PPIL3: variants seen among roughly 807,000 people sequenced by gnomAD.
The protein encoded by PPIL3 is peptidyl-prolyl cis-trans isomerase-like 3.
Under a neutral mutation model 20.9 loss-of-function variants are expected in PPIL3, and 13 were observed. That is an observed-to-expected ratio of 0.62 (90% confidence interval 0.40 to 0.99). PPIL3 has a LOEUF of 0.99. PPIL3 is among the 50% of genes least tolerant of loss of function. The pLI, the probability that PPIL3 is intolerant of heterozygous loss-of-function variation, is 0.00. For synonymous variants in PPIL3, 71 were observed against 64.4 expected (o/e 1.10, Z -0.49); for missense variants, 170 against 195.2 (o/e 0.87, Z 0.77).
chr2:200,870,986 A>G lies in PPIL3; in HGVS notation c.*409T>C, dbSNP rs2039286348. ...TGAAGGTAATTTTACACAATATTTTAATTAATTTGTCCTACGATTTAATTC... is the reference window on the plus strand; with the variant it reads ...TGAAGGTAATTTTACACAATATTTTGATTAATTTGTCCTACGATTTAATTC... On this transcript the variant is annotated 3_prime_UTR_variant, in exon 7 of 7. Transcript: ENST00000392283. The G allele has an allele frequency of 6.4e-6, 1 of 155,498 alleles. No homozygotes were observed. Among genetic ancestry groups the G allele is most frequent in the East Asian group, 1.9e-4 (1 of 5,316 alleles). 9.6% of individuals were successfully genotyped at this position (155,498 alleles called of 1,614,324 possible).
At chr2:200,874,641 G>C (rs2039447456) in intron 6 of PPIL3, among the ~76,000 whole-genome samples, 1 of 152,128 alleles carries the variant, frequency 6.6e-6, no homozygotes. Context: ...CAATAATTTT[G>C]AATGATGTTG....
chr2:200,886,272 G>A (rs1333737598), intron 2 of PPIL3, among the ~76,000 whole-genome samples: 2 of 152,116 alleles, frequency 1.3e-5, no homozygotes, highest in African/African-American at 4.8e-5. Flanking sequence ...AAGTGTCAGT[G>A]TTTCTAAATC....
At chr2:200,878,211 C>T (rs1456690081) in intron 5 of PPIL3, among the ~76,000 whole-genome samples, 1 of 151,820 alleles carries the variant, frequency 6.6e-6, no homozygotes, top group Non-Finnish European at 1.5e-5. Context: ...AAATAAGCAC[C>T]CATTAACATA....
intron 1 of PPIL3, among the ~76,000 whole-genome samples, chr2:200,888,114 T>C (rs1410418858): frequency 3.3e-5 from 5 of 150,380 alleles, no homozygotes; most frequent in Admixed American, 2.6e-4. Flanking sequence ...AACCCGGCTA[T>C]AGAAGATATC....
intron 4 of PPIL3, 173 bp from the exon 5 acceptor site, chr2:200,881,661 A>G: frequency 1.8e-6 from 1 of 545,314 alleles, no homozygotes; most frequent in East Asian, 3.0e-5. Flanking sequence ...ATTAAAACAG[A>G]CCTACAAAAA....
chr2:200,882,478 C>T lies in PPIL3; in HGVS notation c.79-43G>A, dbSNP rs368991873. Reference sequence around the variant, plus strand: ...GATTGAGAAATGATGCAGCAGAAACCCAGTTAAGACAAAAAACCAATCATA... The same window carrying T: ...GATTGAGAAATGATGCAGCAGAAACTCAGTTAAGACAAAAAACCAATCATA... On this transcript the variant is annotated intron_variant, in intron 3 of 6. Coordinates refer to ENST00000392283, the MANE Select transcript of PPIL3 (RefSeq NM_130906.3). The T allele has an allele frequency of 5.8e-6, 7 of 1,201,512 alleles. No individual in the cohort carries two copies. In the African/African-American group the frequency reaches 1.1e-4, roughly 18 times the overall value. The allele number at this position is 1,201,512 out of a possible 1,614,324, so 74.4% of individuals were successfully genotyped here.
chr2:200,871,321 A>T lies in PPIL3; in HGVS notation c.*74T>A. On this transcript the variant is annotated 3_prime_UTR_variant, in exon 7 of 7. Transcript: ENST00000392283. ...GCAGAAGGATGATGCAATCTCTGAC[A>T]TAATTAAAACCGGGTAAACCACAAT... is the stretch of plus-strand genomic sequence containing the variant. The T allele has an allele frequency of 6.9e-7, 1 of 1,441,304 alleles. No individual in the cohort carries two copies. The highest frequency in any genetic ancestry group is 9.5e-7 in the Non-Finnish European group (1 of 1,055,534). The allele number at this position is 1,441,304 out of a possible 1,614,324, so 89.3% of individuals were successfully genotyped here. A position where few individuals can be genotyped will look rare whatever the true frequency, so the allele number is the denominator to read the frequency against.
intron 6 of PPIL3, among the ~76,000 whole-genome samples, chr2:200,874,022 G>A (rs546847195): frequency 2.4e-4 from 36 of 151,206 alleles, no homozygotes; most frequent in African/African-American, 6.8e-4. Flanking sequence ...TGGCTAACAT[G>A]GTGAAACCCC....
At chr2:200,879,780 G>A (rs1450273127) in intron 5 of PPIL3, among the ~76,000 whole-genome samples, 2 of 152,150 alleles carry the variant, frequency 1.3e-5, no homozygotes, top group South Asian at 2.1e-4. Context: ...GCAGTGAACC[G>A]TGATCAGGCC....
At chr2:200,887,915 G>C (rs1426174386) in intron 1 of PPIL3, among the ~76,000 whole-genome samples, 2 of 152,038 alleles carry the variant, frequency 1.3e-5, no homozygotes, top group Non-Finnish European at 2.9e-5. Context: ...AAATTAGCCG[G>C]GTGTGGTGGC....
rs2039471189 is a variant in PPIL3 at position 200,875,378 on chromosome 2, C to T, written c.359+1541G>A. 2.0e-5 allele frequency among the ~76,000 whole-genome samples: 3 copies of T among 152,056 alleles called. No homozygotes were observed. In the South Asian group the frequency reaches 6.2e-4, roughly 32 times the overall value. On this transcript the variant is annotated intron_variant, in intron 6 of 6. Transcript: ENST00000392283. Reference sequence around the variant, plus strand: ...CACCTCCAGGGTTCAAGCCATTCTCCTGCCTCAGCTTCCTGAGTAGCTGGA... The same window carrying T: ...CACCTCCAGGGTTCAAGCCATTCTCTTGCCTCAGCTTCCTGAGTAGCTGGA...
At chr2:200,882,197 C>T (rs931899348) in intron 4 of PPIL3, 145 bp downstream of exon 4, 3 of 628,170 alleles carry the variant, frequency 4.8e-6, no homozygotes, top group South Asian at 3.7e-5. Flanking sequence ...ATGTAACAAA[C>T]CTGCATGTTC....
intron 5 of PPIL3, among the ~76,000 whole-genome samples, chr2:200,880,819 T>C (rs1006885945): frequency 1.3e-5 from 2 of 151,936 alleles, no homozygotes; most frequent in African/African-American, 4.8e-5. Context: ...CATGCACTAA[T>C]TTTTAATTTT....
intron 4 of PPIL3, chr2:200,881,839 AG>A: frequency 4.1e-6 from 1 of 244,144 alleles, no homozygotes; most frequent in Non-Finnish European, 7.7e-6. Context: ...TTCACATTTT[AG>A]GGGTAGGTGC....
rs1273275810 is a variant in PPIL3 at position 200,871,346 on chromosome 2, T to G, written c.*49A>C. 1 of 1,555,324 alleles carries G rather than the reference T, an allele frequency of 6.4e-7. No individual in the cohort carries two copies. The highest frequency in any genetic ancestry group is 1.2e-5 in the South Asian group (1 of 85,438). On this transcript the variant is annotated 3_prime_UTR_variant, in exon 7 of 7. Coordinates refer to ENST00000392283, the MANE Select transcript of PPIL3 (RefSeq NM_130906.3). Reference sequence around the variant, plus strand: ...ATAATTAAAACCGGGTAAACCACAATAAGTGTGTTCCAGCAATTTGTCAAG... The same window carrying G: ...ATAATTAAAACCGGGTAAACCACAAGAAGTGTGTTCCAGCAATTTGTCAAG...
Position 200,871,366 on chromosome 2 carries a change from G to A in PPIL3, c.*29C>T. 3 of 1,586,428 alleles carry A rather than the reference G, an allele frequency of 1.9e-6. No homozygotes were observed. Among genetic ancestry groups the A allele is most frequent in the Non-Finnish European group, 2.6e-6 (3 of 1,165,000 alleles). ...CACAATAAGTGTGTTCCAGCAATTT[G>A]TCAAGTTATTTGTCCAGGTCTATCA... On this transcript the variant is annotated 3_prime_UTR_variant, in exon 7 of 7. Coordinates refer to ENST00000392283, the MANE Select transcript of PPIL3 (RefSeq NM_130906.3).
rs570344999 is a variant in PPIL3 at position 200,886,494 on chromosome 2, C to T, written c.4-722G>A. Among the ~76,000 whole-genome samples the T allele has an allele frequency of 2.4e-3, 364 of 151,196 alleles. 1 individual carries two copies. Among genetic ancestry groups the T allele is most frequent in the African/African-American group, 8.1e-3 (334 of 41,144 alleles). On this transcript the variant is annotated intron_variant, in intron 2 of 6. Coordinates refer to ENST00000392283, the MANE Select transcript of PPIL3 (RefSeq NM_130906.3). Reference sequence around the variant, plus strand: ...ACACTGGAGTGCAGTGGCGTGATCTCGGCTCACTACAATCTCCACCTCCTG... The same window carrying T: ...ACACTGGAGTGCAGTGGCGTGATCTTGGCTCACTACAATCTCCACCTCCTG...
intron 5 of PPIL3, 48 bp downstream of exon 5, chr2:200,881,373 G>T: frequency 7.0e-7 from 1 of 1,433,908 alleles, no homozygotes; most frequent in Non-Finnish European, 9.7e-7. Flanking sequence ...AAGTTTCCAT[G>T]CATAACCAAG....
Position 200,882,396 on chromosome 2 carries a change from A to T in PPIL3, c.118T>A (p.Cys40Ser). 1 of 1,608,242 alleles carries T rather than the reference A, an allele frequency of 6.2e-7. No individual in the cohort carries two copies. Among genetic ancestry groups the T allele is most frequent in the Non-Finnish European group, 8.5e-7 (1 of 1,174,606 alleles). Residue 40 changes from cysteine to serine, a missense_variant, in exon 4 of 7, where the codon TGT (cysteine) becomes AGT (serine). Physicochemically the swap from Cys to Ser is moderately radical, Grantham distance 112. Coordinates refer to ENST00000392283, the MANE Select transcript of PPIL3 (RefSeq NM_130906.3). ...ALCASNYYNGCIFHRNIKGFM... is the reference protein window; with the variant it reads ...ALCASNYYNGSIFHRNIKGFM... ...CCCTTGATATTCCTATGAAATATAC[A>T]GCCATTGTAGTAATTACTGGCACAA...
Sources: allele counts gnomAD v4.1 joint callset (sites outside exome capture counted in the v4.1 genomes callset), GRCh38; gene constraint gnomAD v4.1.1; transcripts MANE v1.5; gene names NCBI Gene and HGNC (gene_info 2026-07-23, HGNC 2026-07-21).